The following ITGAX variants were observed in gnomAD, a reference collection of about 807,000 sequenced individuals.
The protein encoded by ITGAX is integrin subunit alpha X.
Under a neutral mutation model 140.2 loss-of-function variants are expected in ITGAX, and 99 were observed. The observed-to-expected ratio is 0.71, with a 90% CI of 0.60 to 0.83. The LOEUF (loss-of-function observed/expected upper bound fraction) is 0.83, where lower values mean the gene tolerates loss of function less well. Ranked by LOEUF, ITGAX falls within the 40% of genes least tolerant of loss-of-function variation. ITGAX has a pLI of 0.00. For missense variants in ITGAX, 1,444 were observed against 1,482.0 expected (o/e 0.97, Z 0.42); for synonymous variants, 631 against 600.4 (o/e 1.05, Z -0.75).
chr16:31,361,802 C>T (rs2080829011), intron 9 of ITGAX, 34 bp from the exon 10 acceptor site: 1 of 1,610,262 alleles, frequency 6.2e-7, no homozygotes. Context: ...GCCCGTCTCC[C>T]TCCCTGGCAC....
At chr16:31,371,834 G>C (rs772112248) in intron 17 of ITGAX, 50 bp downstream of exon 17, 1 of 1,594,876 alleles carries the variant, frequency 6.3e-7, no homozygotes, top group Admixed American at 1.7e-5. Context: ...GCTGGCAGAA[G>C]GCAGGGCAGG....
Position 31,371,337 on chromosome 16 carries a change from C to A in ITGAX, c.1845C>A (p.Thr615=). ...GARGQVLLLR[T]RPVLWVGVSM... ...CAGCTCGGTGCTCTGCCCGCAGGAC[C>A]AGACCTGTGCTCTGGGTGGGGGTGA... The change falls in exon 16 of 30, where the codon ACC becomes ACA. Residue 615 remains threonine, a synonymous_variant. Coordinates refer to ENST00000268296, the MANE Select transcript of ITGAX (RefSeq NM_000887.5). The A allele has an allele frequency of 6.2e-7, 1 of 1,614,126 alleles. No individual in the cohort carries two copies. The highest frequency in any genetic ancestry group is 8.5e-7 in the Non-Finnish European group (1 of 1,180,000).
rs184313503 is a variant in ITGAX, at chr16:31,377,692, G to A, written c.2789+427G>A. Among the ~76,000 whole-genome samples the A allele has an allele frequency of 3.2e-4, 48 of 152,344 alleles. 1 individual carries two copies. In the East Asian group the frequency reaches 7.5e-3, roughly 24 times the overall value. ...CCCCAGGCTCTCATACCCCTTGGCAGGGGACCCACAGGCAGGGCTCACCTA... is the reference window on the plus strand; with the variant it reads ...CCCCAGGCTCTCATACCCCTTGGCAAGGGACCCACAGGCAGGGCTCACCTA... On this transcript the variant is annotated intron_variant, in intron 23 of 29. Transcript: ENST00000268296.
At chr16:31,372,714 T>G in intron 19 of ITGAX, 44 bp downstream of exon 19, 1 of 1,562,240 alleles carries the variant, frequency 6.4e-7, no homozygotes, top group Middle Eastern at 1.8e-4. Context: ...CCCAGCCTCC[T>G]TCCTGGAATC....
In ITGAX at chr16:31,381,972, C is replaced by T; in HGVS notation, c.*65C>T. On this transcript the variant is annotated 3_prime_UTR_variant, in exon 30 of 30. Coordinates refer to ENST00000268296, the MANE Select transcript of ITGAX (RefSeq NM_000887.5). Reference sequence around the variant, plus strand: ...TCCCCACTTACTTACCCTCACCTGTCAGGCCTGACGGGGAGGAACCACTGC... The same window carrying T: ...TCCCCACTTACTTACCCTCACCTGTTAGGCCTGACGGGGAGGAACCACTGC... 6.9e-7 allele frequency: 1 copy of T among 1,456,948 alleles called. No individual in the cohort carries two copies. The highest frequency in any genetic ancestry group is 9.5e-7 in the Non-Finnish European group (1 of 1,049,014). 90.3% of individuals were successfully genotyped at this position (1,456,948 alleles called of 1,614,324 possible).
chr16:31,379,120 ACT>A (rs755373793), intron 23 of ITGAX, among the ~76,000 whole-genome samples: 1 of 147,996 alleles, frequency 6.8e-6, no homozygotes, highest in East Asian at 2.0e-4. Context: ...TGGTCTCTAA[ACT>A]CTCTCTCTCT....
At position 31,382,233 on chromosome 16, in the gene ITGAX, TTTTTTTTTTTCTTTTC is replaced by T; in HGVS notation, c.*337_*352del. ...GAATGATCTTTCTTTCCTTTCTTTT[TTTTTTTTTTTCTTTTC>T]TTTTTTTTTTTTTTGAGACGGAGTC... On this transcript the variant is annotated 3_prime_UTR_variant, in exon 30 of 30. Coordinates refer to ENST00000268296, the MANE Select transcript of ITGAX (RefSeq NM_000887.5). 2 of 1,200,712 alleles carry T rather than the reference TTTTTTTTTTTCTTTTC, an allele frequency of 1.7e-6. No individual in the cohort carries two copies. Among genetic ancestry groups the T allele is most frequent in the Non-Finnish European group, 2.1e-6 (2 of 940,852 alleles). 74.4% of individuals were successfully genotyped at this position (1,200,712 alleles called of 1,614,324 possible).
In ITGAX at chr16:31,362,050, C is replaced by T. The variant is rs1472997184; in HGVS notation, c.1087-25C>T. On this transcript the variant is annotated intron_variant, in intron 10 of 29. Transcript: ENST00000268296. Reference sequence around the variant, plus strand: ...CTGTCTTCCTGCTCCGGCCTCTGCTCAGCCCTGGAATCCTTTTCTCCCAGG... The same window carrying T: ...CTGTCTTCCTGCTCCGGCCTCTGCTTAGCCCTGGAATCCTTTTCTCCCAGG... 1.2e-5 allele frequency: 19 copies of T among 1,613,902 alleles called. No individual in the cohort carries two copies. The East Asian group carries it at 4.0e-4, about 34-fold the overall frequency.
intron 11 of ITGAX, 114 bp downstream of exon 11, chr16:31,362,318 C>T (rs922499257): frequency 2.6e-6 from 2 of 780,192 alleles, no homozygotes; most frequent in East Asian, 1.1e-4. Context: ...GTCCAGGCTT[C>T]TGGGGAGGGA....
At chr16:31,378,897 C>A (rs1379550400) in intron 23 of ITGAX, among the ~76,000 whole-genome samples, 1 of 151,836 alleles carries the variant, frequency 6.6e-6, no homozygotes, top group Non-Finnish European at 1.5e-5. Flanking sequence ...CTCACTGCAA[C>A]CTCCGCCTCC....
At chr16:31,361,515 G>T in intron 9 of ITGAX, 1 of 674,034 alleles carries the variant, frequency 1.5e-6, no homozygotes, top group Non-Finnish European at 2.7e-6. Flanking sequence ...ACCCACACCG[G>T]GCCCTACCCA....
At chr16:31,360,206 A>C in intron 7 of ITGAX, 104 bp from the exon 8 acceptor site, 1 of 1,508,526 alleles carries the variant, frequency 6.6e-7, no homozygotes, top group Non-Finnish European at 9.0e-7. Context: ...TCTGGGTGGG[A>C]CTGGGGCCTC....
Position 31,380,374 on chromosome 16 carries a change from C to T in ITGAX, c.3169C>T (p.Arg1057Cys), listed in dbSNP as rs374327112. 26 of 1,613,816 alleles carry T rather than the reference C, an allele frequency of 1.6e-5. No homozygotes were observed. Among genetic ancestry groups the T allele is most frequent in the African/African-American group, 1.1e-4 (8 of 74,900 alleles). Residue 1057 changes from arginine to cysteine, a missense_variant, in exon 27 of 30, where the codon CGC becomes TGC. Transcript: ENST00000268296. ...LKGNLSFGWV[R>C]QILQKKVSVV... is the part of the protein sequence containing the mutation. ...GGGCAACCTCAGCTTTGGCTGGGTC[C>T]GCCAGGTGTGTGGGTGCAACGACAG... is the stretch of plus-strand genomic sequence containing the variant.
chr16:31,361,614 C>T, intron 9 of ITGAX: 1 of 721,380 alleles, frequency 1.4e-6, no homozygotes, highest in Middle Eastern at 2.9e-4. Context: ...CTGTGGGGGG[C>T]CCTGATGAGG....
At chr16:31,370,695 G>A (rs904542932) in intron 14 of ITGAX, among the ~76,000 whole-genome samples, 11 of 152,102 alleles carry the variant, frequency 7.2e-5, no homozygotes, top group African/African-American at 2.2e-4. Flanking sequence ...TCTAAGAACC[G>A]TAGGAATTCC....
chr16:31,372,338 C>T (rs769424773), intron 17 of ITGAX, 40 bp from the exon 18 acceptor site: 34 of 1,576,408 alleles, frequency 2.2e-5, no homozygotes, highest in Non-Finnish European at 2.6e-5. Context: ...AGCTCTTACC[C>T]TCCCCTTACC....
In ITGAX at chr16:31,358,400, C is replaced by A. The variant is rs942920090; in HGVS notation, c.430+1036C>A. On this transcript the variant is annotated intron_variant, in intron 5 of 29. Transcript: ENST00000268296. Reference sequence around the variant, plus strand: ...TTGAGGCCTGGAGTTTGAGACCAGCCTGGGCAACATAGTGAGACCTCATCT... The same window carrying A: ...TTGAGGCCTGGAGTTTGAGACCAGCATGGGCAACATAGTGAGACCTCATCT... 3.9e-5 allele frequency: 6 copies of A among 152,194 alleles called. 1 individual carries two copies. The highest frequency in any genetic ancestry group is 1.4e-4 in the African/African-American group (6 of 41,414). 9.4% of individuals were successfully genotyped at this position (152,194 alleles called of 1,614,324 possible).
At chr16:31,360,091 A>T (rs1340702458) in intron 7 of ITGAX, 26 bp downstream of exon 7, 1 of 1,606,268 alleles carries the variant, frequency 6.2e-7, no homozygotes. Context: ...TTCCAGGCAC[A>T]GTCCCAAAGC....
intron 15 of ITGAX, 30 bp from the exon 16 acceptor site, chr16:31,371,304 C>T (rs776915290): frequency 1.3e-5 from 21 of 1,611,558 alleles, no homozygotes; most frequent in Non-Finnish European, 1.8e-5. Flanking sequence ...GAGCCGACGG[C>T]CTGTCCTCAG....
Sources: allele counts gnomAD v4.1 joint callset (sites outside exome capture counted in the v4.1 genomes callset), GRCh38; gene constraint gnomAD v4.1.1; transcripts MANE v1.5; gene names NCBI Gene and HGNC (gene_info 2026-07-23, HGNC 2026-07-21).